Variants in KIF6 observed in about 807,000 individuals in gnomAD.
KIF6 encodes the protein kinesin-like protein KIF6.
In KIF6, 106 loss-of-function variants were observed where a neutral mutation model predicts 112.7. The ratio of observed to expected loss-of-function variants is 0.94; its 90% confidence interval spans 0.80 to 1.11. The LOEUF (loss-of-function observed/expected upper bound fraction) is 1.11. Among genes scored for constraint, KIF6 ranks in the 50% least tolerant of loss-of-function variants. The pLI, the probability that KIF6 is intolerant of heterozygous loss-of-function variation, is 0.00. For missense variants in KIF6, 929 were observed against 964.0 expected (o/e 0.96, Z 0.48); for synonymous variants, 339 against 339.9 (o/e 1.00, Z 0.03).
intron 6 of KIF6, among the ~76,000 whole-genome samples, chr6:39,607,789 G>T (rs955099592): frequency 6.6e-5 from 10 of 152,050 alleles, no homozygotes; most frequent in African/African-American, 2.2e-4. Flanking sequence ...TGTATATTTT[G>T]CTCTAACCAG....
At chr6:39,609,224 T>A (rs1180938647) in intron 6 of KIF6, among the ~76,000 whole-genome samples, 1 of 152,128 alleles carries the variant, frequency 6.6e-6, no homozygotes, top group Non-Finnish European at 1.5e-5. Flanking sequence ...GGAAGTCACC[T>A]GACCATTCAC....
chr6:39,540,751 C>G (rs183693652), intron 12 of KIF6, among the ~76,000 whole-genome samples: 1 of 152,214 alleles, frequency 6.6e-6, no homozygotes, highest in African/African-American at 2.4e-5. Context: ...AAGCTCAGCA[C>G]GTGCTTATGT....
intron 13 of KIF6, among the ~76,000 whole-genome samples, chr6:39,509,545 T>A (rs1409727904): frequency 6.6e-6 from 1 of 152,138 alleles, no homozygotes; most frequent in Non-Finnish European, 1.5e-5. Context: ...AATGACCTGA[T>A]GGAGCTGAAA....
intron 15 of KIF6, among the ~76,000 whole-genome samples, chr6:39,391,517 C>G (rs1413920351): frequency 2.0e-5 from 3 of 152,196 alleles, no homozygotes; most frequent in Non-Finnish European, 4.4e-5. Flanking sequence ...CTGCTCATCT[C>G]CAGTACTGTT....
intron 16 of KIF6, among the ~76,000 whole-genome samples, chr6:39,364,767 G>A (rs1474096937): frequency 6.6e-6 from 1 of 152,082 alleles, no homozygotes; most frequent in Non-Finnish European, 1.5e-5. Context: ...TAGATTCTTG[G>A]TCTCAGAGAG....
intron 13 of KIF6, among the ~76,000 whole-genome samples, chr6:39,507,893 C>T (rs931868117): frequency 3.1e-4 from 46 of 148,504 alleles, no homozygotes; most frequent in Non-Finnish European, 6.0e-4. Flanking sequence ...TCCTTTCTCT[C>T]TCTCTCTCCT....
Position 39,372,997 on chromosome 6 carries a change from G to A in KIF6, c.1862-10479C>T, listed in dbSNP as rs140677333. ...AACAGAACTGTTCCTAGGAAACACC[G>A]AGGCCTTTCTTGGTCCGAGATTTGC... is the stretch of plus-strand genomic sequence containing the variant. On this transcript the variant is annotated intron_variant, in intron 16 of 22. Transcript: ENST00000287152. 5.5e-3 allele frequency among the ~76,000 whole-genome samples: 844 copies of A among 152,236 alleles called. 14 individuals are homozygous for A. Among genetic ancestry groups the A allele is most frequent in the African/African-American group, 0.019 (801 of 41,526 alleles).
chr6:39,425,537 C>T (rs1274296816), intron 14 of KIF6, among the ~76,000 whole-genome samples: 1 of 152,138 alleles, frequency 6.6e-6, no homozygotes, highest in Non-Finnish European at 1.5e-5. Context: ...CCTCCCCTGA[C>T]CCTCCAGAAG....
chr6:39,401,774 T>C lies in KIF6; in HGVS notation c.1811-16102A>G, dbSNP rs1265926824. Among the ~76,000 whole-genome samples the C allele has an allele frequency of 2.0e-5, 3 of 152,110 alleles. No individual in the cohort carries two copies. In the East Asian group the frequency reaches 5.8e-4, roughly 29 times the overall value. On this transcript the variant is annotated intron_variant, in intron 15 of 22. Coordinates refer to ENST00000287152, the MANE Select transcript of KIF6 (RefSeq NM_145027.6). ...TGTGGAAGGGATGCAGGTGGGGCTC[T>C]GACAACATCTACCCTGTTCCTTATT...
At chr6:39,454,620 C>T (rs1486444613) in intron 13 of KIF6, among the ~76,000 whole-genome samples, 2 of 151,708 alleles carry the variant, frequency 1.3e-5, no homozygotes, top group African/African-American at 4.8e-5. Context: ...AGGTTCATCT[C>T]ACTAGGGAGT....
chr6:39,684,007 G>T (rs924097008), intron 3 of KIF6, among the ~76,000 whole-genome samples: 6 of 152,186 alleles, frequency 3.9e-5, no homozygotes, highest in African/African-American at 1.4e-4. Context: ...CTCATGTAAT[G>T]AAAGAATGTT....
intron 15 of KIF6, 90 bp from the exon 16 acceptor site, chr6:39,385,762 A>G (rs574507244): frequency 0.037 from 30,340 of 821,432 alleles, 848 homozygotes; most frequent in African/African-American, 0.054. Flanking sequence ...TACAGAAAAA[A>G]AAAAAAAAAG....
chr6:39,362,454 T>C lies in KIF6; in HGVS notation c.1926A>G (p.Gln642=). The C allele has an allele frequency of 1.2e-6, 2 of 1,613,922 alleles. No individual in the cohort carries two copies. The highest frequency in any genetic ancestry group is 1.7e-6 in the Non-Finnish European group (2 of 1,179,876). The change falls in exon 17 of 23, where the codon CAA becomes CAG. Residue 642 remains glutamine (Q), a synonymous_variant. Transcript: ENST00000287152. ...GGCACCTTCTCTTTTCTTCCTCCAG[T>C]TGTGATCGCAGCTTCTCCTCCTGCT... ...PDQQEEKLRS[Q]LEEEKRRYKT... is the part of the protein sequence containing the mutation.
chr6:39,464,622 G>A (rs1418596417), intron 13 of KIF6, among the ~76,000 whole-genome samples: 1 of 152,092 alleles, frequency 6.6e-6, no homozygotes, highest in Non-Finnish European at 1.5e-5. Context: ...CCAGGCCATC[G>A]CCTGGCAGCT....
intron 7 of KIF6, among the ~76,000 whole-genome samples, chr6:39,588,695 A>C (rs879580884): frequency 1.3e-5 from 2 of 152,064 alleles, no homozygotes; most frequent in Non-Finnish European, 1.5e-5. Context: ...ACCCATTATT[A>C]TTAAGGCCCC....
chr6:39,621,425 C>T lies in KIF6; in HGVS notation c.510-8107G>A, dbSNP rs556946656. 3.3e-5 allele frequency among the ~76,000 whole-genome samples: 5 copies of T among 152,328 alleles called. No homozygotes were observed. In the South Asian group the frequency reaches 8.3e-4, roughly 25 times the overall value. On this transcript the variant is annotated intron_variant, in intron 5 of 22. Transcript: ENST00000287152. ...GGAATGGACAAACCTGGGCTGAGAT[C>T]CTGGCCTCCCGCCATGTGCTAGCAG... is the stretch of plus-strand genomic sequence containing the variant.
At chr6:39,585,110 G>T in intron 8 of KIF6, 126 bp from the exon 9 acceptor site, 2 of 594,602 alleles carry the variant, frequency 3.4e-6, no homozygotes, top group South Asian at 4.7e-5. Flanking sequence ...AAAACTCACA[G>T]TGAGGAACTA....
intron 3 of KIF6, among the ~76,000 whole-genome samples, chr6:39,698,295 C>T (rs1340737509): frequency 6.6e-6 from 1 of 152,130 alleles, no homozygotes; most frequent in Non-Finnish European, 1.5e-5. Context: ...GAAGCAATTC[C>T]ATTTTTTAAA....
chr6:39,528,680 T>G (rs6942355), intron 13 of KIF6, among the ~76,000 whole-genome samples: 69,913 of 152,072 alleles, frequency 0.46, 19,210 homozygotes, highest in African/African-American at 0.77. Context: ...CAGGTGTGAC[T>G]TGGTATCTTA....
Sources: allele counts gnomAD v4.1 joint callset (sites outside exome capture counted in the v4.1 genomes callset), GRCh38; gene constraint gnomAD v4.1.1; transcripts MANE v1.5; gene names NCBI Gene and HGNC (gene_info 2026-07-23, HGNC 2026-07-21).